The following CELF2 variants were observed in gnomAD, a reference collection of about 807,000 sequenced individuals.
CELF2 encodes CUG triplet repeat RNA-binding protein 2.
CELF2 carries 8 observed loss-of-function variants against 62.6 expected under a neutral mutation model. That is an observed-to-expected ratio of 0.13 (90% CI 0.07 to 0.23). The LOEUF is 0.23. Among genes scored for constraint, CELF2 ranks in the 10% least tolerant of loss-of-function variants. The pLI is 1.00. For synonymous variants in CELF2, 258 were observed against 250.0 expected, an observed-to-expected ratio of 1.03 and a Z score of -0.30; for missense variants, 333 against 671.0, an observed-to-expected ratio of 0.50 and a Z score of 5.56.
In CELF2 at chr10:11,165,326, G is replaced by A. The variant is rs1169878465; in HGVS notation, c.75-160G>A. The A allele has an allele frequency of 2.8e-6, 4 of 1,422,012 alleles. No homozygotes were observed. Among genetic ancestry groups the A allele is most frequent in the Non-Finnish European group, 3.7e-6 (4 of 1,092,096 alleles). The allele number at this position is 1,422,012 out of a possible 1,614,324, so 88.1% of individuals were successfully genotyped here. ...CCGAGGAGCAACTCATGGTGCCTCC[G>A]CTTTGTTTTAGTTCATCAAATTTCT... On this transcript the variant is annotated intron_variant, in intron 1 of 12. Transcript: ENST00000633077. This position sits in a 1 kb window ranked among gnomAD's most constrained non-coding sequence, Gnocchi z 7.4.
the CELF2 span, among the ~76,000 whole-genome samples, chr10:10,539,265 G>A: frequency 6.6e-6 from 1 of 152,224 alleles, no homozygotes; most frequent in Non-Finnish European, 1.5e-5. Context: ...TCAGTAAGTA[G>A]CAAAAGGGAT....
upstream of CELF2, chr10:10,794,591 T>C (rs2054033405): frequency 6.6e-6 from 1 of 152,198 alleles, no homozygotes; most frequent in Non-Finnish European, 1.5e-5. Flanking sequence ...AAACCAGTTT[T>C]TTTTTTAAAG....
intron 8 of CELF2, 92 bp from the exon 9 acceptor site, chr10:11,288,326 T>C (rs2139638319): frequency 6.6e-7 from 1 of 1,513,232 alleles, no homozygotes; most frequent in Non-Finnish European, 9.0e-7. Flanking sequence ...GCTCTCATCA[T>C]GTGTCCTGAC....
In CELF2 at chr10:11,332,375, C is replaced by G. The variant is rs1445666105; in HGVS notation, c.*3322C>G. Reference sequence around the variant, plus strand: ...GGGCATCTCTGATCCCAGTAGGTACCTCTGAATATACCAGGTGTCTGGAGT... The same window carrying G: ...GGGCATCTCTGATCCCAGTAGGTACGTCTGAATATACCAGGTGTCTGGAGT... On this transcript the variant is annotated 3_prime_UTR_variant, in exon 13 of 13. Transcript: ENST00000633077. 6.6e-6 allele frequency: 1 copy of G among 152,322 alleles called. No homozygotes were observed. The highest frequency in any genetic ancestry group is 1.5e-5 in the Non-Finnish European group (1 of 68,036). The allele number at this position is 152,322 out of a possible 1,614,324, so 9.4% of individuals were successfully genotyped here.
chr10:10,724,722 C>G, the CELF2 span, among the ~76,000 whole-genome samples: 5 of 150,930 alleles, frequency 3.3e-5, no homozygotes, highest in Admixed American at 1.3e-4. Context: ...TGGGTGTGGT[C>G]AGTTACACTC....
the CELF2 span, among the ~76,000 whole-genome samples, chr10:10,657,988 C>T: frequency 0.16 from 24,595 of 152,132 alleles, 2,120 homozygotes; most frequent in South Asian, 0.24. Flanking sequence ...AGAAAAGTTA[C>T]AGCTCCTGTG....
At chr10:10,925,524 G>A (rs1471202321) in intron 2 of CELF2, among the ~76,000 whole-genome samples, 1 of 152,060 alleles carries the variant, frequency 6.6e-6, no homozygotes, top group Non-Finnish European at 1.5e-5. Context: ...AGAAGGTACC[G>A]ATCATCCCAG....
chr10:10,884,463 G>A (rs867567325), intron 1 of CELF2, among the ~76,000 whole-genome samples: 4 of 152,172 alleles, frequency 2.6e-5, no homozygotes, highest in African/African-American at 7.2e-5. Context: ...TCACACAAAC[G>A]TGAATGATGC....
chr10:10,481,755 T>C, the CELF2 span, among the ~76,000 whole-genome samples: 5 of 152,242 alleles, frequency 3.3e-5, no homozygotes, highest in African/African-American at 1.2e-4. Context: ...ATTTTTTCCC[T>C]TTTAATTGTA....
intron 2 of CELF2, among the ~76,000 whole-genome samples, chr10:11,204,770 C>G (rs781122396): frequency 2.0e-5 from 3 of 152,236 alleles, no homozygotes. Flanking sequence ...CCCAGGCTTC[C>G]GCCGGACATC....
rs1591770456 is a variant in CELF2 at position 11,336,631 on chromosome 10, T to C, written c.*7578T>C. 6.5e-6 allele frequency: 1 copy of C among 152,672 alleles called. No homozygotes were observed. Among genetic ancestry groups the C allele is most frequent in the Non-Finnish European group, 1.5e-5 (1 of 68,038 alleles). The allele number at this position is 152,672 out of a possible 1,614,324, so 9.5% of individuals were successfully genotyped here. The stretch of plus-strand genomic sequence containing the variant: ...ATATTTTTCATTAAAATTATATCAC[T>C]GGCTTTATGACTTAATATTCAATAA... On this transcript the variant is annotated 3_prime_UTR_variant, in exon 13 of 13. Transcript: ENST00000633077. This position sits in a 1 kb window ranked among gnomAD's most constrained non-coding sequence, Gnocchi z 5.4.
upstream of CELF2, chr10:10,796,984 C>A: frequency 1.6e-6 from 1 of 632,972 alleles, no homozygotes; most frequent in Non-Finnish European, 2.0e-6. Context: ...GGGAAAGTAT[C>A]CATGACTGCT....
At chr10:11,271,302 G>A (rs1282802915) in intron 7 of CELF2, among the ~76,000 whole-genome samples, 1 of 152,182 alleles carries the variant, frequency 6.6e-6, no homozygotes, top group Non-Finnish European at 1.5e-5. Context: ...TCTATTTCAA[G>A]CCCCAGCAGA....
intron 9 of CELF2, among the ~76,000 whole-genome samples, chr10:11,304,665 C>T (rs1478794311): frequency 6.6e-6 from 1 of 152,190 alleles, no homozygotes; most frequent in East Asian, 1.9e-4. Context: ...CCTTAACCCA[C>T]TAATTCATGA....
chr10:11,325,671 GGAT>G (rs1409541633), intron 11 of CELF2, among the ~76,000 whole-genome samples, 162 bp from the exon 12 acceptor site: 1 of 152,206 alleles, frequency 6.6e-6, no homozygotes, highest in Non-Finnish European at 1.5e-5. Context: ...AAAATCTGAA[GGAT>G]GATTGCTTTC....
At chr10:11,077,868 AAGAC>A (rs2072569724) in intron 1 of CELF2, among the ~76,000 whole-genome samples, 1 of 152,190 alleles carries the variant, frequency 6.6e-6, no homozygotes, top group Non-Finnish European at 1.5e-5. Context: ...ATGTAGGACA[AAGAC>A]AGCAGTCTTT....
intron 1 of CELF2, among the ~76,000 whole-genome samples, chr10:10,824,298 T>C (rs1332597056): frequency 6.6e-6 from 1 of 152,216 alleles, no homozygotes; most frequent in African/African-American, 2.4e-5. Context: ...TGTGTGATTT[T>C]CAAAATGTAT....
rs189738219 is a variant in CELF2, at chr10:10,933,350, A to G, written c.89+13351A>G. 4.6e-5 allele frequency among the ~76,000 whole-genome samples: 7 copies of G among 152,320 alleles called. No homozygotes were observed. The East Asian group carries it at 1.2e-3, about 25-fold the overall frequency. On this transcript the variant is annotated intron_variant, in intron 2 of 13. Transcript: ENST00000636488. ...GTTATACATATTTATGTGGTACAGTATGATATTTCTATACCTGAATACATT... is the reference window on the plus strand; with the variant it reads ...GTTATACATATTTATGTGGTACAGTGTGATATTTCTATACCTGAATACATT...
chr10:10,494,617 CAT>C, the CELF2 span, among the ~76,000 whole-genome samples: 31 of 152,280 alleles, frequency 2.0e-4, no homozygotes, highest in Non-Finnish European at 2.9e-4. Flanking sequence ...TTTTTATACA[CAT>C]GTTAGACACC....
Sources: allele counts gnomAD v4.1 joint callset (sites outside exome capture counted in the v4.1 genomes callset), GRCh38; gene constraint gnomAD v4.1.1; non-coding constraint Gnocchi (gnomAD v3.1); transcripts MANE v1.5; gene names NCBI Gene and HGNC (gene_info 2026-07-23, HGNC 2026-07-21).